Variants in BRIP1 observed in about 807,000 individuals in gnomAD.
BRIP1 encodes Fanconi anemia group J protein.
A neutral mutation model predicts 119.7 loss-of-function variants in BRIP1; 88 were observed. The observed-to-expected ratio is 0.74, with a 90% CI of 0.62 to 0.88. BRIP1 has a LOEUF of 0.88. Ranked by LOEUF, BRIP1 falls within the 40% of genes least tolerant of loss-of-function variation. BRIP1 has a pLI of 0.00. For synonymous variants in BRIP1, 443 were observed against 496.5 expected (o/e 0.89, Z 1.43); for missense variants, 1,259 against 1,455.4 (o/e 0.87, Z 2.20).
rs566321849 is a variant in BRIP1 at position 61,745,650 on chromosome 17, T to A, written c.2098-1059A>T. Among the ~76,000 whole-genome samples the A allele has an allele frequency of 2.6e-5, 4 of 152,150 alleles. No individual in the cohort carries two copies. Among genetic ancestry groups the A allele is most frequent in the Non-Finnish European group, 5.9e-5 (4 of 68,024 alleles). On this transcript the variant is annotated intron_variant, in intron 14 of 19. Coordinates refer to ENST00000259008, the MANE Select transcript of BRIP1 (RefSeq NM_032043.3). This position sits in a 1 kb window ranked among gnomAD's most constrained non-coding sequence, Gnocchi z 4.4. ...TTCCACAGTGCTGAAATTACAGGTG[T>A]GAACCAACACACGTGGCTGTAAAAC...
At position 61,739,544 on chromosome 17, in the gene BRIP1, G is replaced by A. The variant is rs2076960505; in HGVS notation, c.2379+3469C>T. The stretch of plus-strand genomic sequence containing the variant: ...GTCCAGAGGTTACGGAAGAGTAAGG[G>A]CTACCAAAAGAAATACTGCTTATTA... On this transcript the variant is annotated intron_variant, in intron 16 of 19. Transcript: ENST00000259008. This position sits in a 1 kb window ranked among gnomAD's most constrained non-coding sequence, Gnocchi z 6.0. 1.1e-5 allele frequency: 2 copies of A among 176,140 alleles called. No homozygotes were observed. The highest frequency in any genetic ancestry group is 2.0e-4 in the East Asian group (2 of 10,086). 10.9% of individuals were successfully genotyped at this position (176,140 alleles called of 1,614,324 possible). A position where few individuals can be genotyped will look rare whatever the true frequency, so the allele number is the denominator to read the frequency against.
intron 6 of BRIP1, among the ~76,000 whole-genome samples, chr17:61,830,919 T>C (rs997622052): frequency 6.6e-6 from 1 of 152,192 alleles, no homozygotes; most frequent in African/African-American, 2.4e-5. Flanking sequence ...ATGGGTCCTA[T>C]ACCATGATCA....
rs184658159 is a variant in BRIP1 at position 61,825,065 on chromosome 17, C to T, written c.628-16308G>A. ...CTTTGGGAGGCTGAGGCAGGCGGAT[C>T]GCAAGGTCAGGAGATCGAGACCATC... On this transcript the variant is annotated intron_variant, in intron 6 of 19. Transcript: ENST00000259008. This position sits in a 1 kb window ranked among gnomAD's most constrained non-coding sequence, Gnocchi z 4.1. 2.0e-4 allele frequency among the ~76,000 whole-genome samples: 31 copies of T among 152,136 alleles called. No individual in the cohort carries two copies. The East Asian group carries it at 3.3e-3, about 16-fold the overall frequency.
At chr17:61,707,652 T>C (rs137897600) in intron 17 of BRIP1, among the ~76,000 whole-genome samples, 182 of 152,306 alleles carry the variant, frequency 1.2e-3, no homozygotes, top group African/African-American at 4.0e-3. Context: ...GTTGGTATCA[T>C]GTTAATTTCT....
At chr17:61,833,349 CTA>C (rs1468136959) in intron 6 of BRIP1, among the ~76,000 whole-genome samples, 1 of 152,138 alleles carries the variant, frequency 6.6e-6, no homozygotes. Flanking sequence ...ATAGAGAATA[CTA>C]TGTTTTCTCC....
At position 61,841,332 on chromosome 17, in the gene BRIP1, C is replaced by T. The variant is rs2078654369; in HGVS notation, c.627+5769G>A. 6.7e-6 allele frequency among the ~76,000 whole-genome samples: 1 copy of T among 150,072 alleles called. No homozygotes were observed. The highest frequency in any genetic ancestry group is 2.5e-5 in the African/African-American group (1 of 40,772). On this transcript the variant is annotated intron_variant, in intron 6 of 19. Coordinates refer to ENST00000259008, the MANE Select transcript of BRIP1 (RefSeq NM_032043.3). This position sits in a 1 kb window ranked among gnomAD's most constrained non-coding sequence, Gnocchi z 4.1. ...ATTCATCTGAGAAGGGACTACTATC[C>T]AGAATATACAAGGAACTCAACAGCA...
At chr17:61,749,744 A>G (rs2077107879) in intron 14 of BRIP1, among the ~76,000 whole-genome samples, 5 of 152,230 alleles carry the variant, frequency 3.3e-5, no homozygotes, top group African/African-American at 1.2e-4. Flanking sequence ...GGGTTTCAAT[A>G]TACAAGTCTT....
At chr17:61,821,345 G>C (rs111230142) in intron 6 of BRIP1, among the ~76,000 whole-genome samples, 1 of 152,106 alleles carries the variant, frequency 6.6e-6, no homozygotes, top group African/African-American at 2.4e-5. Context: ...TAGAAAGGCA[G>C]GGTGTTGCAA....
In BRIP1 at chr17:61,722,427, G is replaced by T. The variant is rs536519413; in HGVS notation, c.2380-6364C>A. 6.6e-6 allele frequency among the ~76,000 whole-genome samples: 1 copy of T among 152,136 alleles called. No homozygotes were observed. Among genetic ancestry groups the T allele is most frequent in the East Asian group, 1.9e-4 (1 of 5,184 alleles). On this transcript the variant is annotated intron_variant, in intron 16 of 19. Coordinates refer to ENST00000259008, the MANE Select transcript of BRIP1 (RefSeq NM_032043.3). The surrounding 1 kb of genome is among the most constrained non-coding windows in gnomAD (Gnocchi z 4.6). ...TAGATGATATGTTAATACCCTCCCT[G>T]GAAATTCAGCAATAAAGCACATGAT...
intron 14 of BRIP1, among the ~76,000 whole-genome samples, chr17:61,773,951 G>C (rs113856759): frequency 2.6e-5 from 4 of 152,096 alleles, no homozygotes; most frequent in African/African-American, 9.7e-5. Context: ...AGCTGGAGAG[G>C]ATGTAGAGAA....
chr17:61,769,770 G>A lies in BRIP1; in HGVS notation c.2097+6631C>T, dbSNP rs1012165679. On this transcript the variant is annotated intron_variant, in intron 14 of 19. Coordinates refer to ENST00000259008, the MANE Select transcript of BRIP1 (RefSeq NM_032043.3). This position sits in a 1 kb window ranked among gnomAD's most constrained non-coding sequence, Gnocchi z 4.9. ...ATCTGGAGAGACAGGTAAATACAGA[G>A]AATCAAGATATGCTTACTGGGACAG... Among the ~76,000 whole-genome samples the A allele has an allele frequency of 1.3e-5, 2 of 152,176 alleles. No homozygotes were observed. The highest frequency in any genetic ancestry group is 2.9e-5 in the Non-Finnish European group (2 of 68,036).
chr17:61,784,763 GCTT>G (rs1300680091), intron 10 of BRIP1, among the ~76,000 whole-genome samples: 69 of 152,000 alleles, frequency 4.5e-4, no homozygotes, highest in Admixed American at 4.4e-3. Context: ...TCTCTCTCTC[GCTT>G]CTTCTCTTGC....
rs2145332216 is a variant in BRIP1, at chr17:61,801,273, C to G, written c.1120G>C (p.Asp374His). 6.2e-7 allele frequency: 1 copy of G among 1,613,436 alleles called. No individual in the cohort carries two copies. Among genetic ancestry groups the G allele is most frequent in the Non-Finnish European group, 8.5e-7 (1 of 1,179,404 alleles). The stretch of plus-strand genomic sequence containing the variant: ...CTCACACTTTCCCTTATTTGTGCAT[C>G]TAGAAGATAGTTGTAGGGACAAAAT... ...IIFCPYNYLL[D>H]AQIRESMDLN... is the part of the protein sequence containing the mutation. The change falls in exon 8 of 20, where the codon GAT becomes CAT. Residue 374 changes from aspartate (D) to histidine (H), a missense_variant. By Grantham distance (81) the Asp-to-His change is moderately conservative. Transcript: ENST00000259008.
In BRIP1 at chr17:61,802,759, G is replaced by C. The variant is rs2078015046; in HGVS notation, c.919-1285C>G. Among the ~76,000 whole-genome samples the C allele has an allele frequency of 6.6e-6, 1 of 152,026 alleles. No homozygotes were observed. Among genetic ancestry groups the C allele is most frequent in the South Asian group, 2.1e-4 (1 of 4,826 alleles). On this transcript the variant is annotated intron_variant, in intron 7 of 19. Coordinates refer to ENST00000259008, the MANE Select transcript of BRIP1 (RefSeq NM_032043.3). The surrounding 1 kb of genome is among the most constrained non-coding windows in gnomAD (Gnocchi z 6.0). ...AGGCTGCAGTGAGCATTCTTATGCT[G>C]GTTTCTAAATATTTTCTTAGTCTAT... is the stretch of plus-strand genomic sequence containing the variant.
chr17:61,779,512 C>CA (rs2145063959), intron 13 of BRIP1, among the ~76,000 whole-genome samples: 1 of 152,278 alleles, frequency 6.6e-6, no homozygotes, highest in Admixed American at 6.5e-5. Context: ...CCCAGCTACT[C>CA]AGAAGGTTGA....
rs769150213 is a variant in BRIP1 at position 61,849,272 on chromosome 17, T to A, written c.380-16A>T. 1.9e-6 allele frequency: 3 copies of A among 1,602,206 alleles called. No homozygotes were observed. The highest frequency in any genetic ancestry group is 2.3e-5 in the South Asian group (2 of 88,792). Reference sequence around the variant, plus strand: ...TCAGGGGAGTCTTATATAAGTAATTTAAAAAAAACAGCATAAATAACTTAC... The same window carrying A: ...TCAGGGGAGTCTTATATAAGTAATTAAAAAAAAACAGCATAAATAACTTAC... On this transcript the variant is annotated splice_polypyrimidine_tract_variant and intron_variant, in intron 4 of 19. Coordinates refer to ENST00000259008, the MANE Select transcript of BRIP1 (RefSeq NM_032043.3).
Position 61,793,323 on chromosome 17 carries a change from C to A in BRIP1, c.1473+274G>T, listed in dbSNP as rs1343238839. 2.6e-5 allele frequency among the ~76,000 whole-genome samples: 4 copies of A among 152,074 alleles called. No homozygotes were observed. The highest frequency in any genetic ancestry group is 9.7e-5 in the African/African-American group (4 of 41,422). ...TTTTACAATTGACTAAGTAAGTCTA[C>A]AACCTAAAAATATTGACTCCTTTTA... On this transcript the variant is annotated intron_variant, in intron 10 of 19. Transcript: ENST00000259008. The surrounding 1 kb of genome is among the most constrained non-coding windows in gnomAD (Gnocchi z 5.2).
chr17:61,794,938 C>T lies in BRIP1; in HGVS notation c.1341-1209G>A, dbSNP rs2077877481. Among the ~76,000 whole-genome samples the T allele has an allele frequency of 6.6e-6, 1 of 151,658 alleles. No individual in the cohort carries two copies. Among genetic ancestry groups the T allele is most frequent in the South Asian group, 2.1e-4 (1 of 4,816 alleles). On this transcript the variant is annotated intron_variant, in intron 9 of 19. Coordinates refer to ENST00000259008, the MANE Select transcript of BRIP1 (RefSeq NM_032043.3). This position sits in a 1 kb window ranked among gnomAD's most constrained non-coding sequence, Gnocchi z 4.3. The stretch of plus-strand genomic sequence containing the variant: ...GTCCTGAGGTGGTTAGCAAATTTTG[C>T]TTGTTTGAGGATCTGAAAGAAAGCC...
rs935129641 is a variant in BRIP1, at chr17:61,810,640, G to A, written c.628-1883C>T. On this transcript the variant is annotated intron_variant, in intron 6 of 19. Transcript: ENST00000259008. This position sits in a 1 kb window ranked among gnomAD's most constrained non-coding sequence, Gnocchi z 4.7. ...ATAAAGTAGCTTTTTCTCAAGGCTG[G>A]GAAAACTTACTTTTTGATGTTACAC... Among the ~76,000 whole-genome samples, 9 of 151,942 alleles carry A rather than the reference G, an allele frequency of 5.9e-5. No individual in the cohort carries two copies. Among genetic ancestry groups the A allele is most frequent in the African/African-American group, 2.2e-4 (9 of 41,354 alleles).
Sources: allele counts gnomAD v4.1 joint callset (sites outside exome capture counted in the v4.1 genomes callset), GRCh38; gene constraint gnomAD v4.1.1; non-coding constraint Gnocchi (gnomAD v3.1); transcripts MANE v1.5; gene names NCBI Gene and HGNC (gene_info 2026-07-23, HGNC 2026-07-21).